RERE: variants seen among roughly 807,000 people sequenced by gnomAD.
RERE encodes arginine-glutamic acid dipeptide repeats protein.
In RERE, 40 loss-of-function variants were observed where a neutral mutation model predicts 146.1. The ratio of observed to expected loss-of-function variants is 0.27; its 90% CI spans 0.21 to 0.36. RERE has a LOEUF of 0.36. RERE is among the 10% of genes least tolerant of loss of function. RERE has a pLI of 1.00. For synonymous variants in RERE, 1,003 were observed against 866.0 expected, an observed-to-expected ratio of 1.16 and a Z score of -2.78; for missense variants, 1,933 against 2,138.7, an observed-to-expected ratio of 0.90 and a Z score of 1.90.
At chr1:8,555,889 C>T (rs1247666995) in intron 6 of RERE, among the ~76,000 whole-genome samples, 1 of 152,152 alleles carries the variant, frequency 6.6e-6, no homozygotes, top group Non-Finnish European at 1.5e-5. Context: ...TACCCATCTC[C>T]TCCCCCTGCC....
chr1:8,412,539 A>G (rs1313789007), intron 12 of RERE, among the ~76,000 whole-genome samples: 2 of 152,160 alleles, frequency 1.3e-5, no homozygotes, highest in South Asian at 2.1e-4. Context: ...TCATGTGCAC[A>G]CCCTTTAGGG....
chr1:8,477,429 G>T (rs1283952603), intron 10 of RERE, among the ~76,000 whole-genome samples: 1 of 152,138 alleles, frequency 6.6e-6, no homozygotes, highest in Non-Finnish European at 1.5e-5. Context: ...GGCCACAAGT[G>T]GAAATGGTTC....
chr1:8,485,029 T>C (rs929368313), intron 10 of RERE, among the ~76,000 whole-genome samples: 92 of 152,142 alleles, frequency 6.0e-4, no homozygotes, highest in African/African-American at 2.2e-3. Flanking sequence ...ATAAGATATT[T>C]ATTAACTACC....
At chr1:8,382,858 TA>T (rs1256016467) in intron 12 of RERE, among the ~76,000 whole-genome samples, 1 of 152,010 alleles carries the variant, frequency 6.6e-6, no homozygotes. Context: ...CCCTCCTTTA[TA>T]GGGTTGTGGT....
intron 4 of RERE, among the ~76,000 whole-genome samples, chr1:8,565,748 A>G (rs1646145505): frequency 6.6e-6 from 1 of 152,162 alleles, no homozygotes; most frequent in Admixed American, 6.6e-5. Context: ...AGAATTTTAC[A>G]TATCTATATA....
chr1:8,658,755 C>CA (rs569580732), intron 1 of RERE, among the ~76,000 whole-genome samples: 2,317 of 118,524 alleles, frequency 0.02, 36 homozygotes, highest in East Asian at 0.073. Flanking sequence ...GACTCCATCT[C>CA]AAAAAAAAAA....
chr1:8,441,950 T>TTTTTTTTTTTTTTTTTTTGAGACG (rs1295131605), intron 11 of RERE, among the ~76,000 whole-genome samples: 1 of 151,484 alleles, frequency 6.6e-6, no homozygotes, highest in Admixed American at 6.6e-5. Flanking sequence ...CACTTTTTGT[T>TTTTTTTTTTTTTTTTTTTGAGACG]GCAGGGAAGT....
intron 12 of RERE, among the ~76,000 whole-genome samples, chr1:8,394,158 C>G (rs901271671): frequency 3.3e-5 from 5 of 152,208 alleles, no homozygotes; most frequent in Non-Finnish European, 7.3e-5. Flanking sequence ...CTTTCAATTT[C>G]TAATGCAGGT....
intron 10 of RERE, among the ~76,000 whole-genome samples, chr1:8,484,741 T>C (rs920663201): frequency 2.0e-5 from 3 of 152,134 alleles, no homozygotes; most frequent in African/African-American, 7.2e-5. Context: ...CAATTTTACA[T>C]TTATAGGTGT....
intron 7 of RERE, among the ~76,000 whole-genome samples, chr1:8,538,062 C>T (rs1645750057): frequency 6.6e-6 from 1 of 152,218 alleles, no homozygotes; most frequent in African/African-American, 2.4e-5. Flanking sequence ...CAACTGCTCA[C>T]TTAAAGTTCC....
At chr1:8,444,871 C>T (rs1644297385) in intron 11 of RERE, among the ~76,000 whole-genome samples, 1 of 150,950 alleles carries the variant, frequency 6.6e-6, no homozygotes, top group South Asian at 2.1e-4. Flanking sequence ...TGGTGTCATG[C>T]TTGTACAGCC....
chr1:8,672,680 C>T (rs1331696230), intron 1 of RERE, among the ~76,000 whole-genome samples: 1 of 152,214 alleles, frequency 6.6e-6, no homozygotes, highest in Non-Finnish European at 1.5e-5. Flanking sequence ...AAAATTACTA[C>T]TGCAGGTGTC....
chr1:8,655,199 G>C lies in RERE; in HGVS notation c.325+774C>G, dbSNP rs542347209. On this transcript the variant is annotated intron_variant, in intron 2 of 22. Transcript: ENST00000400908. Reference sequence around the variant, plus strand: ...AAGTTAGCAGGAGCAATACATCTCTGATCTTCAGGGCTTTTTTTTTTTTCT... The same window carrying C: ...AAGTTAGCAGGAGCAATACATCTCTCATCTTCAGGGCTTTTTTTTTTTTCT... Among the ~76,000 whole-genome samples, 9 of 150,900 alleles carry C rather than the reference G, an allele frequency of 6.0e-5. No homozygotes were observed. In the South Asian group the frequency reaches 1.9e-3, roughly 32 times the overall value.
chr1:8,812,426 C>T lies in RERE; in HGVS notation c.-145+4734G>A, dbSNP rs548207292. On this transcript the variant is annotated intron_variant, in intron 1 of 22. Transcript: ENST00000400908. The stretch of plus-strand genomic sequence containing the variant: ...CTTTAGGAAGCCAAGGCAGGTGGAT[C>T]ACTTGAGGTTAGGAGTTCAAGACCA... Among the ~76,000 whole-genome samples, 16 of 152,284 alleles carry T rather than the reference C, an allele frequency of 1.1e-4. No homozygotes were observed. In the South Asian group the frequency reaches 3.1e-3, roughly 30 times the overall value.
chr1:8,788,801 G>A (rs965111106), intron 1 of RERE, among the ~76,000 whole-genome samples: 7 of 151,396 alleles, frequency 4.6e-5, no homozygotes, highest in African/African-American at 1.7e-4. Context: ...GAGCAAACAA[G>A]ACTCGTCCCT....
chr1:8,687,742 T>C (rs1385235033), intron 1 of RERE, among the ~76,000 whole-genome samples: 1 of 152,222 alleles, frequency 6.6e-6, no homozygotes, highest in East Asian at 1.9e-4. Context: ...CATCAGTCAT[T>C]GAAGGATTTA....
intron 11 of RERE, among the ~76,000 whole-genome samples, chr1:8,436,135 A>G (rs1644167156): frequency 6.6e-6 from 1 of 152,130 alleles, no homozygotes; most frequent in South Asian, 2.1e-4. Flanking sequence ...CCTGGTCAAC[A>G]TGGTGAAACC....
intron 8 of RERE, among the ~76,000 whole-genome samples, chr1:8,504,352 C>T (rs545913287): frequency 4.7e-4 from 72 of 152,192 alleles, no homozygotes; most frequent in Non-Finnish European, 9.1e-4. Flanking sequence ...AGGACAAATA[C>T]GAAGGAAGAT....
intron 6 of RERE, among the ~76,000 whole-genome samples, chr1:8,548,074 C>T (rs1322237779): frequency 6.6e-6 from 1 of 152,148 alleles, no homozygotes; most frequent in Non-Finnish European, 1.5e-5. Context: ...ATACTGTCAT[C>T]AAGTGAAAAG....
Sources: allele counts gnomAD v4.1 joint callset (sites outside exome capture counted in the v4.1 genomes callset), GRCh38; gene constraint gnomAD v4.1.1; transcripts MANE v1.5; gene names NCBI Gene and HGNC (gene_info 2026-07-23, HGNC 2026-07-21).